CDH4: variants seen among roughly 807,000 people sequenced by gnomAD.
CDH4 encodes cadherin-4.
In CDH4, 33 loss-of-function variants were observed where a neutral mutation model predicts 86.0. The ratio of observed to expected loss-of-function variants is 0.38; its 90% CI spans 0.29 to 0.51. The LOEUF (loss-of-function observed/expected upper bound fraction) is 0.51, where lower values mean the gene tolerates loss of function less well. Among genes scored for constraint, CDH4 ranks in the 20% least tolerant of loss-of-function variants. The probability of loss-of-function intolerance (pLI) is 0.86; values close to 1 mark genes in which losing one functional copy is unlikely to be tolerated. For missense variants in CDH4, 1,114 were observed against 1,307.4 expected (o/e 0.85, Z 2.28); for synonymous variants, 555 against 549.4 (o/e 1.01, Z -0.14).
At chr20:61,295,268 G>T (rs1311932920) in intron 2 of CDH4, among the ~76,000 whole-genome samples, 1 of 152,190 alleles carries the variant, frequency 6.6e-6, no homozygotes, top group Non-Finnish European at 1.5e-5. Flanking sequence ...CATGTTTACT[G>T]ATGTTTTACA....
In CDH4 at chr20:61,708,494, G is replaced by C. The variant is rs190009461; in HGVS notation, c.170-35069G>C. ...TATGGAGAAACCCAATCCAGGCCCC[G>C]GGCTCCCAGTTTGACACCCGGCCAC... On this transcript the variant is annotated intron_variant, in intron 2 of 15. Transcript: ENST00000614565. The surrounding 1 kb of genome is among the most constrained non-coding windows in gnomAD (Gnocchi z 4.5). 6.6e-6 allele frequency among the ~76,000 whole-genome samples: 1 copy of C among 152,114 alleles called. No individual in the cohort carries two copies. Among genetic ancestry groups the C allele is most frequent in the Non-Finnish European group, 1.5e-5 (1 of 68,018 alleles).
intron 3 of CDH4, among the ~76,000 whole-genome samples, chr20:61,752,329 C>CAAA (rs34828485): frequency 1.8e-4 from 15 of 83,120 alleles, no homozygotes; most frequent in Non-Finnish European, 2.7e-4. Flanking sequence ...AAAAGCCTGT[C>CAAA]AAAAAAAAAA....
intron 3 of CDH4, among the ~76,000 whole-genome samples, chr20:61,755,324 C>T (rs2088549039): frequency 6.7e-6 from 1 of 149,734 alleles, no homozygotes; most frequent in South Asian, 2.1e-4. Flanking sequence ...ACACCGCACA[C>T]ACACTGCCTT....
At chr20:61,633,168 A>T (rs572542303) in intron 2 of CDH4, among the ~76,000 whole-genome samples, 1 of 146,946 alleles carries the variant, frequency 6.8e-6, no homozygotes, top group Non-Finnish European at 1.5e-5. Flanking sequence ...TCATCCACCC[A>T]TCCATCCACC....
At chr20:61,409,755 C>A (rs1258672622) in intron 2 of CDH4, among the ~76,000 whole-genome samples, 1 of 152,230 alleles carries the variant, frequency 6.6e-6, no homozygotes, top group Non-Finnish European at 1.5e-5. Context: ...CTAATATTCC[C>A]AATTTGGACA....
chr20:61,883,426 G>T lies in CDH4; in HGVS notation c.1050+9526G>T, dbSNP rs865821398. 3.3e-5 allele frequency among the ~76,000 whole-genome samples: 5 copies of T among 152,284 alleles called. No individual in the cohort carries two copies. In the South Asian group the frequency reaches 8.3e-4, roughly 25 times the overall value. ...TGTGGTTGTCACAGCTCGGTGGGGG[G>T]CACCACCAGCATTGCATGGGTGGAG... is the stretch of plus-strand genomic sequence containing the variant. On this transcript the variant is annotated intron_variant, in intron 7 of 15. Coordinates refer to ENST00000614565, the MANE Select transcript of CDH4 (RefSeq NM_001794.5).
chr20:61,254,724 C>T (rs1317100667), intron 1 of CDH4, 102 bp from the exon 2 acceptor site: 11 of 795,738 alleles, frequency 1.4e-5, no homozygotes, highest in Non-Finnish European at 2.4e-5. Flanking sequence ...CAGCCTTTCT[C>T]TCTTAGCCAG....
intron 4 of CDH4, among the ~76,000 whole-genome samples, chr20:61,838,137 CCTGCCTGTCTGCCTGT>C (rs56125179): frequency 1.4e-3 from 206 of 150,470 alleles, no homozygotes; most frequent in African/African-American, 4.5e-3. Flanking sequence ...GGGCCGTCTA[CCTGCCTGTCTGCCTGT>C]CTGCCTGTCT....
rs2085184781 is a variant in CDH4, at chr20:61,422,455, AAAAAAAAAAAAACC to A, written c.169+167522_169+167535del. Among the ~76,000 whole-genome samples the A allele has an allele frequency of 1.1e-3, 80 of 71,018 alleles. 3 individuals are homozygous for A. Among genetic ancestry groups the A allele is most frequent in the Admixed American group, 3.3e-3 (20 of 6,086 alleles). 46.6% of individuals were successfully genotyped at this position (71,018 alleles called of 152,430 possible). The stretch of plus-strand genomic sequence containing the variant: ...AAAAAAAAAAAAAAAAAAAAAAAAA[AAAAAAAAAAAAACC>A]AAATCTCCCCAAGTGTCTTCTTTAA... On this transcript the variant is annotated intron_variant, in intron 2 of 15. Coordinates refer to ENST00000614565, the MANE Select transcript of CDH4 (RefSeq NM_001794.5).
At chr20:61,690,595 GT>G (rs750670262) in intron 2 of CDH4, among the ~76,000 whole-genome samples, 4 of 152,158 alleles carry the variant, frequency 2.6e-5, no homozygotes, top group Admixed American at 2.6e-4. Context: ...GCATGTCTCT[GT>G]TCCTGTTCGG....
At chr20:61,541,284 T>C (rs575529238) in intron 2 of CDH4, among the ~76,000 whole-genome samples, 65 of 152,268 alleles carry the variant, frequency 4.3e-4, no homozygotes, top group Non-Finnish European at 6.5e-4. Flanking sequence ...CAGGAGGAAA[T>C]GAGAGGAGGA....
At chr20:61,590,882 G>GT (rs1041486506) in intron 2 of CDH4, among the ~76,000 whole-genome samples, 1 of 152,084 alleles carries the variant, frequency 6.6e-6, no homozygotes, top group African/African-American at 2.4e-5. Flanking sequence ...TCTATGGGGG[G>GT]GGGGGTCCCC....
At chr20:61,839,837 GGTATGC>G (rs1011810774) in intron 4 of CDH4, among the ~76,000 whole-genome samples, 42 of 151,674 alleles carry the variant, frequency 2.8e-4, no homozygotes, top group Non-Finnish European at 5.9e-4. Context: ...TCTGTGTGTA[GGTATGC>G]GTATGTGTAT....
intron 2 of CDH4, among the ~76,000 whole-genome samples, chr20:61,267,457 G>A (rs2084163235): frequency 6.6e-6 from 1 of 152,168 alleles, no homozygotes; most frequent in South Asian, 2.1e-4. Context: ...CAGGTGGGCG[G>A]CTTGAAACAG....
At chr20:61,804,206 C>T (rs761870808) in intron 4 of CDH4, among the ~76,000 whole-genome samples, 21 of 152,216 alleles carry the variant, frequency 1.4e-4, no homozygotes, top group African/African-American at 3.1e-4. Context: ...GTGCTGAGGA[C>T]GGGGCTGGAG....
chr20:61,502,142 G>A (rs564124883), intron 2 of CDH4, among the ~76,000 whole-genome samples: 2 of 152,296 alleles, frequency 1.3e-5, no homozygotes, highest in East Asian at 1.9e-4. Context: ...AGCAGTTGAC[G>A]TGGACGATCT....
intron 12 of CDH4, among the ~76,000 whole-genome samples, chr20:61,928,929 T>G (rs1229458721): frequency 1.3e-5 from 2 of 152,244 alleles, no homozygotes; most frequent in African/African-American, 4.8e-5. Flanking sequence ...TTCTGCCACC[T>G]TTAGGCCAAA....
chr20:61,614,754 A>G, intron 2 of CDH4, among the ~76,000 whole-genome samples: 1 of 152,102 alleles, frequency 6.6e-6, no homozygotes, highest in East Asian at 1.9e-4. Context: ...AGCTAAACCC[A>G]TTTCTCAAAA....
Position 61,873,841 on chromosome 20 carries a change from T to C in CDH4, c.991T>C (p.Phe331Leu), listed in dbSNP as rs1265692798. The C allele has an allele frequency of 6.2e-7, 1 of 1,614,120 alleles. No homozygotes were observed. The highest frequency in any genetic ancestry group is 1.1e-5 in the South Asian group (1 of 91,080). The change falls in exon 7 of 16, where the codon TTC (phenylalanine) becomes CTC (leucine). Residue 331 changes from phenylalanine to leucine, a missense_variant. By Grantham distance (22) the Phe-to-Leu change is conservative (BLOSUM62 0). This residue lies in a region of CDH4 where 705 missense variants were observed against 914.1 expected (regional missense o/e 0.77). Transcript: ENST00000614565. ...QTPQSPSQNM[F>L]TINSETGDIV... ...CCCACAGAGCCCGTCCCAGAATATGTTCACCATCAACAGCGAGACTGGAGA... is the reference window on the plus strand; with the variant it reads ...CCCACAGAGCCCGTCCCAGAATATGCTCACCATCAACAGCGAGACTGGAGA...
Sources: gnomAD v4.1 joint callset for allele counts (sites outside exome capture counted in the v4.1 genomes callset) on GRCh38, gnomAD v4.1.1 for gene constraint, gnomAD v4.1.1 regional missense constraint, Gnocchi (gnomAD v3.1) non-coding constraint, MANE v1.5 for transcripts, NCBI Gene and HGNC (gene_info 2026-07-23, HGNC 2026-07-21) for gene names.